Variants in GDPD3 observed in about 807,000 individuals in gnomAD.
The protein encoded by GDPD3 is glycerophosphodiester phosphodiesterase domain containing 3, also known as lysophospholipase D GDPD3.
In GDPD3, 40 loss-of-function variants were observed where a neutral mutation model predicts 43.7. The observed-to-expected ratio is 0.91, with a 90% CI of 0.71 to 1.19. The LOEUF (loss-of-function observed/expected upper bound fraction) is 1.19. Ranked by LOEUF, GDPD3 falls within the 50% of genes most tolerant of loss-of-function variation. GDPD3 has a pLI of 0.00. For missense variants in GDPD3, 363 were observed against 415.8 expected, an observed-to-expected ratio of 0.87 and a Z score of 1.11; for synonymous variants, 145 against 162.9, an observed-to-expected ratio of 0.89 and a Z score of 0.84.
intron 6 of GDPD3, 101 bp from the exon 7 acceptor site, chr16:30,111,622 C>T: frequency 7.7e-7 from 1 of 1,301,044 alleles, no homozygotes; most frequent in Non-Finnish European, 1.1e-6. Flanking sequence ...AGAGGCCCTA[C>T]TACCTGCAGG....
chr16:30,112,760 G>A lies in GDPD3; in HGVS notation c.216C>T (p.Leu72=), dbSNP rs945809323. The A allele has an allele frequency of 1.1e-5, 17 of 1,611,748 alleles. No homozygotes were observed. The East Asian group carries it at 2.7e-4, about 25-fold the overall frequency. The change falls in exon 3 of 10, where the codon CTC becomes CTT. Residue 72 remains leucine (L), a synonymous_variant. Transcript: ENST00000406256. The surrounding 1 kb of genome is among the most constrained non-coding windows in gnomAD (Gnocchi z 5.4). ...CTCTGTCCCGTGTCAGCTGACAGTC[G>A]AGCTCCAGGAGGTCCGAGCGCTGGG... ...SMAQRSDLLE[L]DCQLTRDRVV...
rs1346183313 is a variant in GDPD3 at position 30,108,390 on chromosome 16, C to T, written c.750G>A (p.Leu250=). The change falls in exon 8 of 10, where the codon TTG becomes TTA. Residue 250 remains leucine, a synonymous_variant. Transcript: ENST00000406256. ...CACCTCACCATTTCGAAACCACAGC[C>T]AATAACTGGTTCAGGCAAGAGCAGG... The part of the protein sequence containing the change: ...PFSCSCLNQL[L]AVVSKWLIMR... 6 of 1,613,998 alleles carry T rather than the reference C, an allele frequency of 3.7e-6. No homozygotes were observed. Among genetic ancestry groups the T allele is most frequent in the Non-Finnish European group, 5.1e-6 (6 of 1,180,004 alleles).
At chr16:30,108,643 A>G in intron 7 of GDPD3, 1 of 554,318 alleles carries the variant, frequency 1.8e-6, no homozygotes, top group Non-Finnish European at 3.2e-6. Context: ...GTGGCCCTCC[A>G]GTCACCATTC....
Position 30,111,914 on chromosome 16 carries a change from CAGAG to C in GDPD3, c.573+214_573+217del, listed in dbSNP as rs892351549. On this transcript the variant is annotated intron_variant, in intron 6 of 9. Transcript: ENST00000406256. The stretch of plus-strand genomic sequence containing the variant: ...CACCACCGCACTCCAGCCTGGGCGA[CAGAG>C]AGAGACTGTGTTTCAAAAAAGAAAA... The C allele has an allele frequency of 8.5e-6, 5 of 587,284 alleles. No homozygotes were observed. The African/African-American group carries it at 9.3e-5, about 11-fold the overall frequency. The allele number at this position is 587,284 out of a possible 1,614,324, so 36.4% of individuals were successfully genotyped here.
rs61764621 is a variant in GDPD3 at position 30,108,503 on chromosome 16, T to G, written c.708-71A>C. On this transcript the variant is annotated intron_variant, in intron 7 of 9. Coordinates refer to ENST00000406256, the MANE Select transcript of GDPD3 (RefSeq NM_024307.3). The stretch of plus-strand genomic sequence containing the variant: ...TCCCAGAGGTGGGGTGGGCTGGTAG[T>G]GCCCCCGCCAACTAGGGTAGCGCTG... 3.8e-3 allele frequency: 5,332 copies of G among 1,406,072 alleles called. 17 individuals are homozygous for G. The highest frequency in any genetic ancestry group is 0.014 in the Middle Eastern group (76 of 5,428). The allele number at this position is 1,406,072 out of a possible 1,614,324, so 87.1% of individuals were successfully genotyped here. A position where few individuals can be genotyped will look rare whatever the true frequency, so the allele number is the denominator to read the frequency against.
chr16:30,106,920 G>T (rs556218160), intron 9 of GDPD3, among the ~76,000 whole-genome samples: 1 of 152,276 alleles, frequency 6.6e-6, no homozygotes, highest in Non-Finnish European at 1.5e-5. Flanking sequence ...TGTTGGCCAG[G>T]CTGGTCTCGA....
rs1032257170 is a variant in GDPD3, at chr16:30,111,374, C to T, written c.707+14G>A. The T allele has an allele frequency of 1.8e-5, 29 of 1,612,484 alleles. No individual in the cohort carries two copies. In the African/African-American group the frequency reaches 2.0e-4, roughly 11 times the overall value. The stretch of plus-strand genomic sequence containing the variant: ...CAGTGGGGAGTTTTTCTGAGGTCCG[C>T]CCCCCACTGGTACCTGTTGATGATG... On this transcript the variant is annotated intron_variant, in intron 7 of 9. Transcript: ENST00000406256.
At position 30,111,390 on chromosome 16, in the gene GDPD3, G is replaced by A; in HGVS notation, c.705C>T (p.Asn235=). 1 of 1,613,874 alleles carries A rather than the reference G, an allele frequency of 6.2e-7. No individual in the cohort carries two copies. The highest frequency in any genetic ancestry group is 8.5e-7 in the Non-Finnish European group (1 of 1,179,876). The change falls in exon 7 of 10, where the codon AAC becomes AAT. Residue 235 remains asparagine, a splice_region_variant and synonymous_variant. Coordinates refer to ENST00000406256, the MANE Select transcript of GDPD3 (RefSeq NM_024307.3). The part of the protein sequence containing the change: ...FFFCFLPNII[N]RTYFPFSCSC... ...TGAGGTCCGCCCCCCACTGGTACCTGTTGATGATGTTGGGCAGGAAGCAGA... is the reference window on the plus strand; with the variant it reads ...TGAGGTCCGCCCCCCACTGGTACCTATTGATGATGTTGGGCAGGAAGCAGA...
At position 30,104,834 on chromosome 16, in the gene GDPD3, T is replaced by C. The variant is rs2072844264; in HGVS notation, c.*38A>G. On this transcript the variant is annotated 3_prime_UTR_variant, in exon 10 of 10. Transcript: ENST00000406256. ...GTGATCGAAAGGCAAATATTTATTT[T>C]TCAGGAAGAGAAACAGGAGACCTCG... The C allele has an allele frequency of 1.2e-6, 2 of 1,604,990 alleles. No homozygotes were observed. Among genetic ancestry groups the C allele is most frequent in the Admixed American group, 1.7e-5 (1 of 59,482 alleles).
In GDPD3 at chr16:30,112,154, A is replaced by C. The variant is rs1453883500; in HGVS notation, c.551T>G (p.Val184Gly). 1 of 1,613,924 alleles carries C rather than the reference A, an allele frequency of 6.2e-7. No individual in the cohort carries two copies. Among genetic ancestry groups the C allele is most frequent in the Non-Finnish European group, 8.5e-7 (1 of 1,179,944 alleles). Reference protein sequence around the residue: ...ITIWASEKSSVMKKCKAANPE... With the variant: ...ITIWASEKSSGMKKCKAANPE... ...CACGGCAGCCTTGCATTTCTTCATG[A>C]CCGAGCTCTTCTCCGAGGCCCAGAT... The change falls in exon 6 of 10, where the codon GTC becomes GGC. Residue 184 changes from valine (V) to glycine (G), a missense_variant. Transcript: ENST00000406256. This position sits in a 1 kb window ranked among gnomAD's most constrained non-coding sequence, Gnocchi z 5.4.
In GDPD3 at chr16:30,113,219, C is replaced by A; in HGVS notation, c.139+121G>T. On this transcript the variant is annotated intron_variant, in intron 1 of 9. Transcript: ENST00000406256. This position sits in a 1 kb window ranked among gnomAD's most constrained non-coding sequence, Gnocchi z 5.9. Reference sequence around the variant, plus strand: ...CCAGCATCTTCTTCCTCGTCCACACCCTGCCCTGCCACTTCGCTCTCCTTC... The same window carrying A: ...CCAGCATCTTCTTCCTCGTCCACACACTGCCCTGCCACTTCGCTCTCCTTC... 7.1e-7 allele frequency: 1 copy of A among 1,418,032 alleles called. No homozygotes were observed. The highest frequency in any genetic ancestry group is 9.6e-7 in the Non-Finnish European group (1 of 1,039,440). 87.8% of individuals were successfully genotyped at this position (1,418,032 alleles called of 1,614,324 possible).
At position 30,112,967 on chromosome 16, in the gene GDPD3, G is replaced by T. The variant is rs2072915728; in HGVS notation, c.182+55C>A. On this transcript the variant is annotated intron_variant, in intron 2 of 9. Transcript: ENST00000406256. The surrounding 1 kb of genome is among the most constrained non-coding windows in gnomAD (Gnocchi z 5.4). ...GAATGGCGTCCCTTGCTGTGATGCA[G>T]TCCACGACCTGCACACCCTCACATG... 6.4e-7 allele frequency: 1 copy of T among 1,572,736 alleles called. No homozygotes were observed. Among genetic ancestry groups the T allele is most frequent in the Non-Finnish European group, 8.7e-7 (1 of 1,144,324 alleles).
At chr16:30,106,603 C>T (rs2072862599) in intron 9 of GDPD3, among the ~76,000 whole-genome samples, 2 of 152,174 alleles carry the variant, frequency 1.3e-5, no homozygotes, top group African/African-American at 4.8e-5. Context: ...GTAATCACAG[C>T]CCACTGTAGC....
At position 30,108,346 on chromosome 16, in the gene GDPD3, G is replaced by A. The variant is rs372587383; in HGVS notation, c.767+27C>T. ...CAGCAGTAGGTCTCTATGGGGACAC[G>A]CCACCCAGCCATCTTGCCCACCTCA... On this transcript the variant is annotated intron_variant, in intron 8 of 9. Transcript: ENST00000406256. 1.9e-5 allele frequency: 31 copies of A among 1,613,446 alleles called. No individual in the cohort carries two copies. In the African/African-American group the frequency reaches 2.4e-4, roughly 13 times the overall value.
At chr16:30,108,952 C>T (rs1439680739) in intron 7 of GDPD3, among the ~76,000 whole-genome samples, 5 of 152,010 alleles carry the variant, frequency 3.3e-5, no homozygotes, top group Non-Finnish European at 7.4e-5. Flanking sequence ...CTGCCTCAGC[C>T]TCTTGAGTAG....
Position 30,113,187 on chromosome 16 carries a change from G to C in GDPD3, c.140-123C>G, listed in dbSNP as rs2072918312. On this transcript the variant is annotated intron_variant, in intron 1 of 9. Transcript: ENST00000406256. The surrounding 1 kb of genome is among the most constrained non-coding windows in gnomAD (Gnocchi z 5.9). ...TGGCCTCACCTCCCCAGCCAGCCCA[G>C]GCTGCGCCAGCATCTTCTTCCTCGT... 3.0e-6 allele frequency: 4 copies of C among 1,352,112 alleles called. No individual in the cohort carries two copies. Among genetic ancestry groups the C allele is most frequent in the Non-Finnish European group, 4.1e-6 (4 of 977,480 alleles). The allele number at this position is 1,352,112 out of a possible 1,614,324, so 83.8% of individuals were successfully genotyped here. A position where few individuals can be genotyped will look rare whatever the true frequency, so the allele number is the denominator to read the frequency against.
Position 30,104,925 on chromosome 16 carries a change from T to C in GDPD3, c.904A>G (p.Thr302Ala), listed in dbSNP as rs765975208. The C allele has an allele frequency of 1.2e-6, 2 of 1,612,780 alleles. No individual in the cohort carries two copies. Among genetic ancestry groups the C allele is most frequent in the East Asian group, 4.5e-5 (2 of 44,886 alleles). The stretch of plus-strand genomic sequence containing the variant: ...TTGTCCAGGTAGTGCCGCAGGGCTG[T>C]GGGATAATCCGTTATGACGCCAGTG... ...GATGVITDYP[T>A]ALRHYLDNHG... Residue 302 changes from threonine (T) to alanine (A), a missense_variant, in exon 10 of 10, where the codon ACA becomes GCA. Coordinates refer to ENST00000406256, the MANE Select transcript of GDPD3 (RefSeq NM_024307.3).
intron 9 of GDPD3, among the ~76,000 whole-genome samples, chr16:30,105,448 C>A (rs1240275696): frequency 2.7e-5 from 4 of 145,550 alleles, no homozygotes; most frequent in African/African-American, 1.1e-4. Flanking sequence ...TACAACAAGA[C>A]CTCGTCTCAA....
chr16:30,110,853 A>C (rs1555486692), intron 7 of GDPD3: 1 of 151,398 alleles, frequency 6.6e-6, no homozygotes, highest in Non-Finnish European at 1.5e-5. Flanking sequence ...CCCGAGCAAG[A>C]CTGTCTCAAA....
Sources: gnomAD v4.1 joint callset for allele counts (sites outside exome capture counted in the v4.1 genomes callset) on GRCh38, gnomAD v4.1.1 for gene constraint, Gnocchi (gnomAD v3.1) non-coding constraint, MANE v1.5 for transcripts, NCBI Gene and HGNC (gene_info 2026-07-23, HGNC 2026-07-21) for gene names.